Variants in STAB1 observed in about 807,000 individuals in gnomAD.
STAB1 encodes stabilin 1, also known as stabilin-1.
Under a neutral mutation model 332.4 loss-of-function variants are expected in STAB1, and 250 were observed. That is an observed-to-expected ratio of 0.75 (90% CI 0.68 to 0.84). The LOEUF is 0.84. Among genes scored for constraint, STAB1 ranks in the 40% least tolerant of loss-of-function variants. The pLI is 0.00. For synonymous variants in STAB1, 1,475 were observed against 1,390.4 expected, an observed-to-expected ratio of 1.06 and a Z score of -1.35; for missense variants, 3,249 against 3,489.7, an observed-to-expected ratio of 0.93 and a Z score of 1.74.
rs116814767 is a variant in STAB1 at position 52,513,985 on chromosome 3, C to A, written c.3447+4C>A. On this transcript the variant is annotated splice_donor_region_variant and intron_variant, in intron 32 of 68. Coordinates refer to ENST00000321725, the MANE Select transcript of STAB1 (RefSeq NM_015136.3). ...CCTCTTCCGGGAATTGCTGCAGGTA[C>A]GGAAGGCTGGCAAGAGGGGATGTGC... 2 of 1,596,352 alleles carry A rather than the reference C, an allele frequency of 1.3e-6. No homozygotes were observed. Among genetic ancestry groups the A allele is most frequent in the Non-Finnish European group, 1.7e-6 (2 of 1,168,252 alleles).
intron 25 of STAB1, 57 bp downstream of exon 25, chr3:52,510,564 C>A: frequency 6.4e-7 from 1 of 1,564,942 alleles, no homozygotes; most frequent in Non-Finnish European, 8.7e-7. Flanking sequence ...CTCTCCCTGC[C>A]CCATCTGACT....
At chr3:52,507,753 G>C (rs1266183881) in intron 19 of STAB1, 78 bp downstream of exon 19, 15 of 1,576,826 alleles carry the variant, frequency 9.5e-6, no homozygotes, top group African/African-American at 8.1e-5. Flanking sequence ...AGGGGTGGGT[G>C]GGGGAAGCAG....
chr3:52,496,030 C>A (rs531817275), intron 1 of STAB1, among the ~76,000 whole-genome samples: 1 of 152,360 alleles, frequency 6.6e-6, no homozygotes, highest in South Asian at 2.1e-4. Flanking sequence ...CAGCCCCGGG[C>A]AGGTCCCCTT....
At chr3:52,510,098 C>T in intron 23 of STAB1, 42 bp downstream of exon 23, 1 of 1,613,666 alleles carries the variant, frequency 6.2e-7, no homozygotes, top group Non-Finnish European at 8.5e-7. Flanking sequence ...CGTGACCTTT[C>T]ATACCTGAGG....
At chr3:52,504,370 T>A in intron 10 of STAB1, 91 bp from the exon 11 acceptor site, 20 of 1,392,106 alleles carry the variant, frequency 1.4e-5, no homozygotes, top group Middle Eastern at 1.8e-4. Context: ...CCACCCCAAC[T>A]CCCCCACACC....
At position 52,506,157 on chromosome 3, in the gene STAB1, T is replaced by C; in HGVS notation, c.1750-13T>C. ...CAGAGCCCAGCCTAAAGCCACACTG[T>C]CCCTTGCCCCAGCTGACCGTTGAGA... On this transcript the variant is annotated splice_polypyrimidine_tract_variant and intron_variant, in intron 16 of 68. Coordinates refer to ENST00000321725, the MANE Select transcript of STAB1 (RefSeq NM_015136.3). The C allele has an allele frequency of 6.2e-7, 1 of 1,608,444 alleles. No homozygotes were observed. The highest frequency in any genetic ancestry group is 8.5e-7 in the Non-Finnish European group (1 of 1,177,694).
In STAB1 at chr3:52,510,181, C is replaced by A. The variant is rs1485297791; in HGVS notation, c.2574C>A (p.Ser858=). The A allele has an allele frequency of 6.2e-7, 1 of 1,613,912 alleles. No individual in the cohort carries two copies. The highest frequency in any genetic ancestry group is 8.5e-7 in the Non-Finnish European group (1 of 1,180,040). Residue 858 remains serine (S), a synonymous_variant, in exon 24 of 69, where the codon TCC becomes TCA. Transcript: ENST00000321725. ...ATGGCTTTGAGGGTGATGGCTTCTC[C>A]TGCACACCTAGCAACCCCTGCTCCC... ...CLDGFEGDGF[S]CTPSNPCSHP...
intron 12 of STAB1, 45 bp from the exon 13 acceptor site, chr3:52,504,958 G>T (rs764497417): frequency 1.9e-5 from 30 of 1,612,464 alleles, no homozygotes; most frequent in Non-Finnish European, 2.4e-5. Flanking sequence ...CTCCGGACAG[G>T]GGGCTGGCAT....
rs2153233060 is a variant in STAB1, at chr3:52,504,008, G to T, written c.1023-20G>T. On this transcript the variant is annotated intron_variant, in intron 9 of 68. Coordinates refer to ENST00000321725, the MANE Select transcript of STAB1 (RefSeq NM_015136.3). ...GGGGGCCTCAGCCTCCGCCCTGACT[G>T]GCTCTCCCTGGGAGCCCAGCTGTGT... 6.2e-7 allele frequency: 1 copy of T among 1,608,292 alleles called. No individual in the cohort carries two copies. The highest frequency in any genetic ancestry group is 2.2e-5 in the East Asian group (1 of 44,700).
rs1351422084 is a variant in STAB1, at chr3:52,512,613, C to T, written c.2997C>T (p.Ala999=). 3 of 1,613,756 alleles carry T rather than the reference C, an allele frequency of 1.9e-6. No homozygotes were observed. The highest frequency in any genetic ancestry group is 1.7e-6 in the Non-Finnish European group (2 of 1,180,032). ...GDIFRELEAN[A]HFSIFYQWLK... ...TCCCTTAGGAGCTGGAGGCAAATGCCCACTTCTCCATCTTCTACCAATGGC... is the reference window on the plus strand; with the variant it reads ...TCCCTTAGGAGCTGGAGGCAAATGCTCACTTCTCCATCTTCTACCAATGGC... Residue 999 remains alanine, a synonymous_variant, in exon 28 of 69, where the codon GCC becomes GCT. Coordinates refer to ENST00000321725, the MANE Select transcript of STAB1 (RefSeq NM_015136.3).
chr3:52,514,143 C>G lies in STAB1; in HGVS notation c.3476C>G (p.Ala1159Gly), dbSNP rs1386969225. ...QHHGLVPQIE[A>G]ATAYTIFVPT... Reference sequence around the variant, plus strand: ...CATGGGTTGGTGCCCCAGATTGAGGCTGCCACTGCCTACACCATCTTTGTG... The same window carrying G: ...CATGGGTTGGTGCCCCAGATTGAGGGTGCCACTGCCTACACCATCTTTGTG... Residue 1159 changes from alanine to glycine, a missense_variant, in exon 33 of 69, where the codon GCT (alanine) becomes GGT (glycine). Transcript: ENST00000321725. The G allele has an allele frequency of 6.2e-7, 1 of 1,613,274 alleles. No homozygotes were observed. The highest frequency in any genetic ancestry group is 2.2e-5 in the East Asian group (1 of 44,892).
intron 3 of STAB1, 118 bp from the exon 4 acceptor site, chr3:52,501,888 G>A (rs1468145287): frequency 1.3e-5 from 18 of 1,429,540 alleles, no homozygotes; most frequent in South Asian, 4.8e-5. Context: ...TCCAAGGCTC[G>A]GCCCCCTTGC....
chr3:52,504,521 TCTC>T lies in STAB1; in HGVS notation c.1217_1219del (p.Ser406del), dbSNP rs1469280763. On this transcript the variant is annotated inframe_deletion, in exon 11 of 69. Coordinates refer to ENST00000321725, the MANE Select transcript of STAB1 (RefSeq NM_015136.3). ...CCTTTCACCGTGCTGGTGCCATCCG[TCTC>T]CTCCTTCTCCTCCAGGACCATGAAT... 4 of 1,613,992 alleles carry T rather than the reference TCTC, an allele frequency of 2.5e-6. No homozygotes were observed. The highest frequency in any genetic ancestry group is 2.5e-6 in the Non-Finnish European group (3 of 1,180,008).
Position 52,506,842 on chromosome 3 carries a change from A to C in STAB1, c.1981A>C (p.Ile661Leu). ...GCACTGCAGCGAGGAGCAGCACAAG[A>C]TTGTGGCGGTGAGCCTCGCCTGCAC... ...PKHCSEEQHK[I>L]VAGSCVDCQA... Residue 661 changes from isoleucine (I) to leucine (L), a missense_variant, in exon 18 of 69, where the codon ATT (isoleucine) becomes CTT (leucine). Physicochemically the swap from Ile to Leu is conservative, Grantham distance 5 (BLOSUM62 2). Transcript: ENST00000321725. 6.2e-7 allele frequency: 1 copy of C among 1,612,804 alleles called. No individual in the cohort carries two copies.
At chr3:52,495,583 C>A in intron 1 of STAB1, 92 bp downstream of exon 1, 2 of 1,160,318 alleles carry the variant, frequency 1.7e-6, no homozygotes, top group Non-Finnish European at 2.2e-6. Flanking sequence ...GGGGCAGGGG[C>A]CTGGGGAGAA....
Position 52,517,296 on chromosome 3 carries a change from C to T in STAB1, c.4490-24C>T, listed in dbSNP as rs754287232. 7 of 1,541,886 alleles carry T rather than the reference C, an allele frequency of 4.5e-6. No individual in the cohort carries two copies. In the South Asian group the frequency reaches 6.4e-5, roughly 14 times the overall value. On this transcript the variant is annotated intron_variant, in intron 42 of 68. Transcript: ENST00000321725. ...AGGGGGGGGCCACTAAGGGCCACCC[C>T]CATCCCAGTGTCTCTTCCCCCAGAA...
rs115429125 is a variant in STAB1, at chr3:52,521,992, C to A, written c.6271+41C>A. 4,971 of 1,607,684 alleles carry A rather than the reference C, an allele frequency of 3.1e-3. 144 individuals are homozygous for A. The African/African-American group carries it at 0.057, about 19-fold the overall frequency. On this transcript the variant is annotated intron_variant, in intron 58 of 68. Coordinates refer to ENST00000321725, the MANE Select transcript of STAB1 (RefSeq NM_015136.3). ...GGGACATGGAGGTGGGAGGCCCCCACTCCCCTGCAGTCACTAGGTCCAACC... is the reference window on the plus strand; with the variant it reads ...GGGACATGGAGGTGGGAGGCCCCCAATCCCCTGCAGTCACTAGGTCCAACC...
In STAB1 at chr3:52,524,351, A is replaced by AAGTG; in HGVS notation, c.7710_7713dup. ...TGACACCCAGAGGATCCTCACAGTC[A>AAGTG]AGTGACGAGGCTGGGGCTGAAAGCA... On this transcript the variant is annotated stop_gained and frameshift_variant, in exon 69 of 69. Transcript: ENST00000321725. LOFTEE classifies it high-confidence loss of function. 3.1e-6 allele frequency: 5 copies of AAGTG among 1,613,804 alleles called. No individual in the cohort carries two copies. The highest frequency in any genetic ancestry group is 4.2e-6 in the Non-Finnish European group (5 of 1,180,006).
At chr3:52,521,273 C>G in intron 55 of STAB1, 88 bp from the exon 56 acceptor site, 1 of 1,570,218 alleles carries the variant, frequency 6.4e-7, no homozygotes, top group South Asian at 1.1e-5. Flanking sequence ...AGGTCAGGGA[C>G]AGATGGCAGG....
Sources: allele counts gnomAD v4.1 joint callset (sites outside exome capture counted in the v4.1 genomes callset), GRCh38; gene constraint gnomAD v4.1.1; transcripts MANE v1.5; gene names NCBI Gene and HGNC (gene_info 2026-07-23, HGNC 2026-07-21).